ARHGAP26: variants seen among roughly 807,000 people sequenced by gnomAD.
ARHGAP26 encodes the protein rho GTPase-activating protein 26.
In ARHGAP26, 38 loss-of-function variants were observed where a neutral mutation model predicts 104.8. The ratio of observed to expected loss-of-function variants is 0.36; its 90% CI spans 0.28 to 0.48. The LOEUF is 0.48. Among genes scored for constraint, ARHGAP26 ranks in the 20% least tolerant of loss-of-function variants. ARHGAP26 has a pLI of 0.99. For synonymous variants in ARHGAP26, 341 were observed against 340.0 expected (o/e 1.00, Z -0.03); for missense variants, 704 against 947.9 (o/e 0.74, Z 3.38).
chr5:142,956,842 G>A (rs1032077023), intron 11 of ARHGAP26, among the ~76,000 whole-genome samples: 1 of 152,184 alleles, frequency 6.6e-6, no homozygotes. Context: ...AGAGAATGAG[G>A]AGGAAGCAAA....
intron 12 of ARHGAP26, among the ~76,000 whole-genome samples, chr5:143,022,293 G>A (rs547921226): frequency 3.3e-4 from 50 of 152,114 alleles, no homozygotes; most frequent in African/African-American, 1.0e-3. Context: ...GGCTGGTCTC[G>A]GACTCCTGAC....
chr5:143,221,609 G>A lies in ARHGAP26; in HGVS notation c.2192-749G>A, dbSNP rs117035912. 2.1e-3 allele frequency among the ~76,000 whole-genome samples: 321 copies of A among 152,238 alleles called. 1 individual carries two copies. The highest frequency in any genetic ancestry group is 5.4e-3 in the South Asian group (26 of 4,818). On this transcript the variant is annotated intron_variant, in intron 22 of 22. Transcript: ENST00000645722. Reference sequence around the variant, plus strand: ...GCTCACTGCAGCCTCGACCTGCTGAGCCCAAGCGATCCTCCCGCTTCGGCA... The same window carrying A: ...GCTCACTGCAGCCTCGACCTGCTGAACCCAAGCGATCCTCCCGCTTCGGCA...
At position 143,059,141 on chromosome 5, in the gene ARHGAP26, CTT is replaced by C. The variant is rs375858021; in HGVS notation, c.1538+1396_1538+1397del. On this transcript the variant is annotated intron_variant, in intron 17 of 22. Coordinates refer to ENST00000645722, the MANE Select transcript of ARHGAP26 (RefSeq NM_001135608.3). The stretch of plus-strand genomic sequence containing the variant: ...GCTGGTTTAGATCTTAGTTGCAAAA[CTT>C]TGCACACTTGAAGGACAAACACCAA... Among the ~76,000 whole-genome samples, 52 of 152,334 alleles carry C rather than the reference CTT, an allele frequency of 3.4e-4. No homozygotes were observed. The South Asian group carries it at 6.6e-3, about 19-fold the overall frequency.
intron 1 of ARHGAP26, among the ~76,000 whole-genome samples, chr5:142,841,605 A>C (rs57389427): frequency 0.049 from 7,395 of 152,284 alleles, 256 homozygotes; most frequent in East Asian, 0.13. Context: ...GGTCTGATGG[A>C]AACTGTAGAT....
intron 20 of ARHGAP26, among the ~76,000 whole-genome samples, chr5:143,176,615 G>A (rs1803512230): frequency 6.6e-6 from 1 of 152,158 alleles, no homozygotes; most frequent in South Asian, 2.1e-4. Flanking sequence ...TCGCCCCAGG[G>A]TAGCTTAGAG....
At position 143,224,447 on chromosome 5, in the gene ARHGAP26, T is replaced by A; in HGVS notation, c.*2001T>A. The A allele has an allele frequency of 4.4e-6, 1 of 228,918 alleles. No homozygotes were observed. The highest frequency in any genetic ancestry group is 8.7e-6 in the Non-Finnish European group (1 of 115,368). 14.2% of individuals were successfully genotyped at this position (228,918 alleles called of 1,614,324 possible). A position where few individuals can be genotyped will look rare whatever the true frequency, so the allele number is the denominator to read the frequency against. On this transcript the variant is annotated 3_prime_UTR_variant, in exon 23 of 23. Coordinates refer to ENST00000645722, the MANE Select transcript of ARHGAP26 (RefSeq NM_001135608.3). Reference sequence around the variant, plus strand: ...GGAAGAGCATCTCCAGGCAATGAGTTTTTCAAAGAATGCCTACTTAGTAGT... The same window carrying A: ...GGAAGAGCATCTCCAGGCAATGAGTATTTCAAAGAATGCCTACTTAGTAGT...
At chr5:143,066,225 G>A (rs1384453346) in intron 17 of ARHGAP26, among the ~76,000 whole-genome samples, 1 of 152,228 alleles carries the variant, frequency 6.6e-6, no homozygotes, top group Non-Finnish European at 1.5e-5. Context: ...TAGCCGAGGA[G>A]CAATAGGCTA....
At chr5:142,787,731 A>ATTAT (rs1758954341) in intron 1 of ARHGAP26, among the ~76,000 whole-genome samples, 2 of 152,256 alleles carry the variant, frequency 1.3e-5, no homozygotes, top group South Asian at 4.1e-4. Flanking sequence ...ATACATGTTC[A>ATTAT]TTAGAGAAAA....
At chr5:143,117,385 G>A (rs1405944073) in intron 17 of ARHGAP26, among the ~76,000 whole-genome samples, 15 of 152,144 alleles carry the variant, frequency 9.9e-5, no homozygotes, top group East Asian at 1.9e-4. Flanking sequence ...CTTTCTGTCC[G>A]GGATACATAG....
chr5:142,922,222 T>C (rs963790862), intron 10 of ARHGAP26: 1 of 152,170 alleles, frequency 6.6e-6, no homozygotes, highest in Admixed American at 6.6e-5. Flanking sequence ...TGCTAAGAGG[T>C]GTGTGTGTAT....
intron 11 of ARHGAP26, among the ~76,000 whole-genome samples, chr5:142,947,818 C>T (rs1017351062): frequency 6.6e-6 from 1 of 152,086 alleles, no homozygotes; most frequent in African/African-American, 2.4e-5. Context: ...AGCCCCTGGC[C>T]AAGATCGTTG....
chr5:143,006,021 G>A (rs960657007), intron 11 of ARHGAP26, among the ~76,000 whole-genome samples: 3 of 152,178 alleles, frequency 2.0e-5, no homozygotes, highest in African/African-American at 7.2e-5. Flanking sequence ...AGAAGCATTC[G>A]TTGTCACCTG....
intron 1 of ARHGAP26, among the ~76,000 whole-genome samples, chr5:142,771,571 CAG>C (rs1310240208): frequency 1.3e-5 from 2 of 152,170 alleles, no homozygotes; most frequent in East Asian, 1.9e-4. Context: ...AGTAGAGAAT[CAG>C]AGTGTTCCTT....
intron 20 of ARHGAP26, among the ~76,000 whole-genome samples, chr5:143,189,168 A>G (rs1194136745): frequency 6.6e-6 from 1 of 152,230 alleles, no homozygotes; most frequent in Admixed American, 6.5e-5. Context: ...TTCTTTCCAC[A>G]GTTCTTTCAA....
At chr5:142,899,964 A>C (rs373749) in intron 6 of ARHGAP26, among the ~76,000 whole-genome samples, 70,960 of 151,772 alleles carry the variant, frequency 0.47, 20,112 homozygotes, top group East Asian at 0.9. Context: ...TCTGTTTACT[A>C]TGAGTGAAGG....
chr5:142,780,179 G>A lies in ARHGAP26; in HGVS notation c.154+9264G>A, dbSNP rs186025585. 2.0e-3 allele frequency among the ~76,000 whole-genome samples: 311 copies of A among 152,270 alleles called. 3 individuals are homozygous for A. Among genetic ancestry groups the A allele is most frequent in the Admixed American group, 7.8e-4 (12 of 15,294 alleles). Reference sequence around the variant, plus strand: ...AGATATTATTCTACATTGGTACATAGAGAGCTCACTCATTGTTAGATTGCA... The same window carrying A: ...AGATATTATTCTACATTGGTACATAAAGAGCTCACTCATTGTTAGATTGCA... On this transcript the variant is annotated intron_variant, in intron 1 of 22. Transcript: ENST00000645722.
intron 1 of ARHGAP26, among the ~76,000 whole-genome samples, chr5:142,790,675 G>A (rs1759621454): frequency 6.6e-6 from 1 of 152,156 alleles, no homozygotes; most frequent in South Asian, 2.1e-4. Context: ...ACCTCACTGT[G>A]TTTAAGCTTG....
intron 2 of ARHGAP26, among the ~76,000 whole-genome samples, chr5:142,874,535 C>A (rs183214689): frequency 6.6e-6 from 1 of 152,146 alleles, no homozygotes; most frequent in African/African-American, 2.4e-5. Context: ...GGCCATTGCA[C>A]GTAATGCTTA....
At chr5:142,867,600 T>C (rs1231932793) in intron 1 of ARHGAP26, among the ~76,000 whole-genome samples, 1 of 152,104 alleles carries the variant, frequency 6.6e-6, no homozygotes, top group Non-Finnish European at 1.5e-5. Flanking sequence ...ACCTGGGGCT[T>C]GTGCTGGGGC....
Sources: gnomAD v4.1 joint callset for allele counts (sites outside exome capture counted in the v4.1 genomes callset) on GRCh38, gnomAD v4.1.1 for gene constraint, MANE v1.5 for transcripts, NCBI Gene and HGNC (gene_info 2026-07-23, HGNC 2026-07-21) for gene names.